The following GRIK2 variants were observed in gnomAD, a reference collection of about 807,000 sequenced individuals.
GRIK2 encodes the protein glutamate receptor ionotropic, kainate 2.
GRIK2 carries 32 observed loss-of-function variants against 100.3 expected under a neutral mutation model. The observed-to-expected ratio is 0.32, with a 90% CI of 0.24 to 0.43. The LOEUF (loss-of-function observed/expected upper bound fraction) is 0.43. Ranked by LOEUF, GRIK2 falls within the 20% of genes least tolerant of loss-of-function variation. GRIK2 has a pLI of 1.00. For missense variants in GRIK2, 843 were observed against 1,114.9 expected (o/e 0.76, Z 3.47); for synonymous variants, 417 against 389.4 (o/e 1.07, Z -0.83).
chr6:101,719,724 G>A (rs1265909867), intron 7 of GRIK2, among the ~76,000 whole-genome samples: 1 of 151,976 alleles, frequency 6.6e-6, no homozygotes, highest in East Asian at 1.9e-4. Flanking sequence ...CATAGGAGGC[G>A]ATTAAGGCCC....
intron 7 of GRIK2, among the ~76,000 whole-genome samples, chr6:101,769,172 T>C (rs1334566649): frequency 6.6e-6 from 1 of 152,174 alleles, no homozygotes; most frequent in Non-Finnish European, 1.5e-5. Context: ...ATGATGGATA[T>C]GTGTAATATC....
chr6:101,622,730 AT>A (rs1220482881), intron 3 of GRIK2, among the ~76,000 whole-genome samples: 1 of 151,992 alleles, frequency 6.6e-6, no homozygotes, highest in East Asian at 1.9e-4. Context: ...TTTTATTTTC[AT>A]GTTATAACTG....
At chr6:101,867,104 A>G (rs1785099463) in intron 11 of GRIK2, among the ~76,000 whole-genome samples, 1 of 151,876 alleles carries the variant, frequency 6.6e-6, no homozygotes, top group Non-Finnish European at 1.5e-5. Flanking sequence ...TAGTTCTTTC[A>G]TCCACTTGTG....
intron 14 of GRIK2, among the ~76,000 whole-genome samples, chr6:101,963,707 T>C (rs926434594): frequency 3.3e-5 from 5 of 151,916 alleles, no homozygotes; most frequent in Non-Finnish European, 7.4e-5. Flanking sequence ...CTCTTATCCA[T>C]TTTATGCTCT....
At chr6:101,844,252 A>G (rs2128436428) in intron 10 of GRIK2, among the ~76,000 whole-genome samples, 1 of 152,288 alleles carries the variant, frequency 6.6e-6, no homozygotes, top group East Asian at 1.9e-4. Flanking sequence ...AGTCCCCTCA[A>G]TTCTGTGCTT....
chr6:101,887,516 A>G (rs982382573), intron 11 of GRIK2, among the ~76,000 whole-genome samples: 4 of 152,074 alleles, frequency 2.6e-5, no homozygotes, highest in African/African-American at 7.2e-5. Flanking sequence ...CCTGAAGTCT[A>G]TATTTCTTAA....
chr6:101,401,216 C>T (rs1372296874), intron 2 of GRIK2, among the ~76,000 whole-genome samples: 1 of 152,168 alleles, frequency 6.6e-6, no homozygotes, highest in Non-Finnish European at 1.5e-5. Context: ...AAAACTGCCA[C>T]CAATACTCTA....
intron 7 of GRIK2, among the ~76,000 whole-genome samples, chr6:101,695,186 T>C (rs1772392544): frequency 6.6e-6 from 1 of 152,032 alleles, no homozygotes; most frequent in Non-Finnish European, 1.5e-5. Flanking sequence ...AGGATTGGTG[T>C]CTGGTGAAAG....
intron 7 of GRIK2, among the ~76,000 whole-genome samples, chr6:101,766,643 G>T (rs1426019170): frequency 6.6e-6 from 1 of 152,108 alleles, no homozygotes; most frequent in African/African-American, 2.4e-5. Context: ...ACTTCTGGGA[G>T]TGTTGTCCTC....
At chr6:101,657,959 C>G (rs1384722767) in intron 4 of GRIK2, among the ~76,000 whole-genome samples, 1 of 152,026 alleles carries the variant, frequency 6.6e-6, no homozygotes, top group Non-Finnish European at 1.5e-5. Context: ...AAGATAATCT[C>G]CTTTCTATTA....
At chr6:101,767,420 G>T (rs1202174151) in intron 7 of GRIK2, among the ~76,000 whole-genome samples, 3 of 151,956 alleles carry the variant, frequency 2.0e-5, no homozygotes, top group African/African-American at 7.3e-5. Context: ...TGTATTTATG[G>T]AGATAGATGG....
At chr6:101,442,467 C>T (rs1770125217) in intron 2 of GRIK2, among the ~76,000 whole-genome samples, 1 of 152,094 alleles carries the variant, frequency 6.6e-6, no homozygotes, top group Non-Finnish European at 1.5e-5. Flanking sequence ...CTCTGGGGAG[C>T]CCTTTTTTAC....
intron 16 of GRIK2, among the ~76,000 whole-genome samples, chr6:102,062,375 A>G (rs1771795704): frequency 6.6e-6 from 1 of 150,456 alleles, no homozygotes; most frequent in South Asian, 2.1e-4. Flanking sequence ...ATCATCATTA[A>G]TAAGGCAGGC....
In GRIK2 at chr6:102,036,230, A is replaced by AATAAAC. The variant is rs1554195344; in HGVS notation, c.2311+665_2311+666insTAAACA. Among the ~76,000 whole-genome samples, 827 of 146,230 alleles carry AATAAAC rather than the reference A, an allele frequency of 5.7e-3. 2 individuals are homozygous for AATAAAC. The highest frequency in any genetic ancestry group is 0.024 in the East Asian group (116 of 4,898). On this transcript the variant is annotated intron_variant, in intron 15 of 16. Transcript: ENST00000369134. ...TATGTATATGATGGTGCCGTAAGTA[A>AATAAAC]ACACACACACACACACACACACACA...
At chr6:101,668,040 A>G (rs1054105040) in intron 4 of GRIK2, among the ~76,000 whole-genome samples, 2 of 152,200 alleles carry the variant, frequency 1.3e-5, no homozygotes, top group Non-Finnish European at 2.9e-5. Flanking sequence ...TTATATCATA[A>G]TTTTAAAATA....
intron 2 of GRIK2, among the ~76,000 whole-genome samples, chr6:101,447,881 C>A (rs1017275067): frequency 2.0e-5 from 3 of 151,784 alleles, no homozygotes; most frequent in Admixed American, 6.6e-5. Flanking sequence ...AGTTACCAGA[C>A]CTTTTGTCAT....
intron 14 of GRIK2, among the ~76,000 whole-genome samples, chr6:101,988,619 A>G (rs1014152838): frequency 1.3e-5 from 2 of 151,820 alleles, no homozygotes; most frequent in African/African-American, 4.8e-5. Flanking sequence ...TTATCAGTCA[A>G]TTCTTGTAAG....
intron 7 of GRIK2, among the ~76,000 whole-genome samples, chr6:101,767,814 C>G (rs957487358): frequency 1.3e-4 from 19 of 151,902 alleles, no homozygotes; most frequent in Admixed American, 1.2e-3. Context: ...ATGTTAACAT[C>G]CATCCTTATG....
chr6:101,489,443 C>A (rs9404109), intron 2 of GRIK2, among the ~76,000 whole-genome samples: 1 of 144,552 alleles, frequency 6.9e-6, no homozygotes, highest in Non-Finnish European at 1.5e-5. Flanking sequence ...TCCCCCCGCC[C>A]GCCCACACTG....
Sources: gnomAD v4.1 joint callset for allele counts (sites outside exome capture counted in the v4.1 genomes callset) on GRCh38, gnomAD v4.1.1 for gene constraint, MANE v1.5 for transcripts, NCBI Gene and HGNC (gene_info 2026-07-23, HGNC 2026-07-21) for gene names.